TNFSF4: variants seen among roughly 807,000 people sequenced by gnomAD.
TNFSF4 encodes the protein TNF superfamily member 4, also known as tumor necrosis factor ligand superfamily member 4.
In TNFSF4, 4 loss-of-function variants were observed where a neutral mutation model predicts 7.3. The observed-to-expected ratio is 0.55, with a 90% CI of 0.27 to 1.25. The LOEUF is 1.25. Ranked by LOEUF, TNFSF4 falls within the 50% of genes most tolerant of loss-of-function variation. The pLI, the probability that TNFSF4 is intolerant of heterozygous loss-of-function variation, is 0.12. For synonymous variants in TNFSF4, 76 were observed against 83.7 expected (o/e 0.91, Z 0.50); for missense variants, 181 against 208.8 (o/e 0.87, Z 0.82).
At chr1:173,248,833 T>C in the TNFSF4 span, among the ~76,000 whole-genome samples, 3 of 152,366 alleles carry the variant, frequency 2.0e-5, no homozygotes, top group Non-Finnish European at 2.9e-5. Flanking sequence ...ATCCTATATA[T>C]ACGGCATCTA....
chr1:173,409,422 T>G, the TNFSF4 span, among the ~76,000 whole-genome samples: 3 of 152,194 alleles, frequency 2.0e-5, no homozygotes, highest in Non-Finnish European at 4.4e-5. Flanking sequence ...TATTTTTATA[T>G]AGAAGAATGT....
chr1:173,391,332 C>CTCTCTCTA, the TNFSF4 span, among the ~76,000 whole-genome samples: 4 of 144,338 alleles, frequency 2.8e-5, no homozygotes, highest in Non-Finnish European at 4.5e-5. Flanking sequence ...CTCTCTCTCT[C>CTCTCTCTA]ATGCACACTA....
the TNFSF4 span, among the ~76,000 whole-genome samples, chr1:173,307,617 T>C: frequency 5.3e-5 from 8 of 151,946 alleles, no homozygotes; most frequent in African/African-American, 1.9e-4. Flanking sequence ...ATAATCATAC[T>C]GTGGTCATGT....
At chr1:173,339,539 T>G in the TNFSF4 span, among the ~76,000 whole-genome samples, 1 of 152,192 alleles carries the variant, frequency 6.6e-6, no homozygotes, top group African/African-American at 2.4e-5. Context: ...TGAATATGAT[T>G]GTATGCATAG....
the TNFSF4 span, among the ~76,000 whole-genome samples, chr1:173,368,615 T>C: frequency 6.6e-6 from 1 of 152,128 alleles, no homozygotes; most frequent in South Asian, 2.1e-4. Flanking sequence ...AGCGTTGGTT[T>C]TCCTGGAACC....
the TNFSF4 span, among the ~76,000 whole-genome samples, chr1:173,423,964 C>T: frequency 1.6e-4 from 24 of 152,120 alleles, no homozygotes; most frequent in East Asian, 3.7e-3. Context: ...AGGTACCTTA[C>T]GCACTGTGTC....
the TNFSF4 span, among the ~76,000 whole-genome samples, chr1:173,386,328 A>G: frequency 1.3e-5 from 2 of 152,100 alleles, no homozygotes; most frequent in South Asian, 4.1e-4. Context: ...GTGTATGTCA[A>G]CTCTGAAAGT....
At chr1:173,386,802 A>G in the TNFSF4 span, among the ~76,000 whole-genome samples, 1 of 152,258 alleles carries the variant, frequency 6.6e-6, no homozygotes, top group Non-Finnish European at 1.5e-5. Context: ...CAGTGTGTTC[A>G]GAAGACGGGA....
chr1:173,277,988 C>T, the TNFSF4 span, among the ~76,000 whole-genome samples: 1 of 152,066 alleles, frequency 6.6e-6, no homozygotes, highest in Admixed American at 6.6e-5. Context: ...GAGTGTAAAA[C>T]TTTAGTGTAG....
At chr1:173,197,928 C>T (rs963337647) in intron 1 of TNFSF4, among the ~76,000 whole-genome samples, 2 of 152,084 alleles carry the variant, frequency 1.3e-5, no homozygotes, top group Non-Finnish European at 2.9e-5. Context: ...GTTGATCTGT[C>T]TATTCTTATG....
intron 1 of TNFSF4, among the ~76,000 whole-genome samples, chr1:173,204,071 A>ATAGAAATATAAGT (rs1650064879): frequency 6.6e-6 from 1 of 152,228 alleles, no homozygotes; most frequent in African/African-American, 2.4e-5. Flanking sequence ...TTAGATATGT[A>ATAGAAATATAAGT]CAGAATATAT....
chr1:173,352,237 G>C, the TNFSF4 span, among the ~76,000 whole-genome samples: 2 of 152,176 alleles, frequency 1.3e-5, no homozygotes, highest in Non-Finnish European at 2.9e-5. Context: ...ACACCTTACT[G>C]TTAACTTGTG....
At chr1:173,379,058 C>T in the TNFSF4 span, among the ~76,000 whole-genome samples, 3 of 151,990 alleles carry the variant, frequency 2.0e-5, no homozygotes, top group African/African-American at 7.3e-5. Context: ...CTAGGGCAAA[C>T]CTTCAATCTC....
At chr1:173,224,163 G>C in the TNFSF4 span, among the ~76,000 whole-genome samples, 1 of 152,164 alleles carries the variant, frequency 6.6e-6, no homozygotes, top group Non-Finnish European at 1.5e-5. Flanking sequence ...GTGCCAACAG[G>C]TTACATCAGA....
At chr1:173,188,466 TGAAGA>T in intron 2 of TNFSF4, 50 bp downstream of exon 2, 1 of 1,369,002 alleles carries the variant, frequency 7.3e-7, no homozygotes, top group Non-Finnish European at 1.0e-6. Context: ...ATTAAGAGAC[TGAAGA>T]GAAGATTCTT....
upstream of TNFSF4, among the ~76,000 whole-genome samples, chr1:173,208,771 T>C (rs1473640483): frequency 6.6e-6 from 1 of 151,814 alleles, no homozygotes; most frequent in Non-Finnish European, 1.5e-5. Context: ...AATTCTTGTG[T>C]AATAGTTCTT....
the TNFSF4 span, among the ~76,000 whole-genome samples, chr1:173,377,899 G>A: frequency 6.6e-6 from 1 of 152,148 alleles, no homozygotes; most frequent in East Asian, 1.9e-4. Flanking sequence ...CTCCCTCAGG[G>A]TACGGCCCTC....
At chr1:173,337,137 T>C in the TNFSF4 span, among the ~76,000 whole-genome samples, 9 of 152,260 alleles carry the variant, frequency 5.9e-5, no homozygotes, top group African/African-American at 1.4e-4. Context: ...GTTTGGAGAT[T>C]TGGCAGGCTC....
chr1:173,202,058 CAT>C (rs199827181), intron 1 of TNFSF4, among the ~76,000 whole-genome samples: 10 of 148,954 alleles, frequency 6.7e-5, no homozygotes, highest in Admixed American at 2.0e-4. Context: ...TATATATATA[CAT>C]ATATATATAT....
Sources: allele counts gnomAD v4.1 joint callset (sites outside exome capture counted in the v4.1 genomes callset), GRCh38; gene constraint gnomAD v4.1.1; transcripts MANE v1.5; gene names NCBI Gene and HGNC (gene_info 2026-07-23, HGNC 2026-07-21).